Variants in PRKG1 observed in about 807,000 individuals in gnomAD.
PRKG1 encodes the protein cGMP-dependent protein kinase 1.
PRKG1 carries 35 observed loss-of-function variants against 88.1 expected under a neutral mutation model. The ratio of observed to expected loss-of-function variants is 0.40; its 90% CI spans 0.30 to 0.53. The LOEUF is 0.53. Among genes scored for constraint, PRKG1 ranks in the 20% least tolerant of loss-of-function variants. The probability of loss-of-function intolerance (pLI) is 0.59; values close to 1 mark genes in which losing one functional copy is unlikely to be tolerated. For missense variants in PRKG1, 540 were observed against 839.8 expected (o/e 0.64, Z 4.41); for synonymous variants, 303 against 292.5 (o/e 1.04, Z -0.37).
At chr10:52,142,121 A>G (rs1314237740) in intron 8 of PRKG1, among the ~76,000 whole-genome samples, 2 of 152,130 alleles carry the variant, frequency 1.3e-5, no homozygotes, top group African/African-American at 4.8e-5. Context: ...GAGGGTTTGA[A>G]AAACCTCTTT....
At chr10:51,379,206 C>G (rs1842872853) in intron 2 of PRKG1, among the ~76,000 whole-genome samples, 1 of 152,006 alleles carries the variant, frequency 6.6e-6, no homozygotes, top group African/African-American at 2.4e-5. Flanking sequence ...GTATTGATAC[C>G]ACATACCTTG....
intron 3 of PRKG1, among the ~76,000 whole-genome samples, chr10:51,492,844 A>C (rs922597899): frequency 3.3e-5 from 5 of 152,158 alleles, no homozygotes; most frequent in Non-Finnish European, 7.4e-5. Context: ...AATTTGAATA[A>C]ACGTGCCATG....
intron 2 of PRKG1, among the ~76,000 whole-genome samples, chr10:51,165,271 A>G (rs1846504485): frequency 6.6e-6 from 1 of 152,132 alleles, no homozygotes. Flanking sequence ...AGAATTTTCA[A>G]CCCAGAATTT....
intron 2 of PRKG1, among the ~76,000 whole-genome samples, chr10:51,277,860 T>C (rs1257070778): frequency 3.9e-5 from 6 of 152,148 alleles, no homozygotes; most frequent in Non-Finnish European, 8.8e-5. Context: ...TGGGCTGAGA[T>C]GATGGGGTTT....
chr10:51,811,640 C>G (rs568801863), intron 4 of PRKG1, among the ~76,000 whole-genome samples: 2 of 152,232 alleles, frequency 1.3e-5, no homozygotes, highest in East Asian at 1.9e-4. Context: ...TGAAATTTTA[C>G]TATCCCAGAA....
intron 1 of PRKG1, among the ~76,000 whole-genome samples, chr10:51,007,299 T>C (rs1056753158): frequency 1.3e-5 from 2 of 152,202 alleles, no homozygotes; most frequent in Admixed American, 6.5e-5. Context: ...ATGCTGCTGG[T>C]CTCCTGAAGA....
At chr10:51,774,207 T>C (rs1838378255) in intron 3 of PRKG1, among the ~76,000 whole-genome samples, 1 of 152,086 alleles carries the variant, frequency 6.6e-6, no homozygotes, top group African/African-American at 2.4e-5. Context: ...AGTAGCCAAT[T>C]TGTGATTTAA....
chr10:51,153,064 C>A, intron 1 of PRKG1, 100 bp from the exon 2 acceptor site: 63 of 706,262 alleles, frequency 8.9e-5, no homozygotes, highest in East Asian at 1.9e-4. Context: ...CAAGAAAATA[C>A]ATTTGTGGTG....
At chr10:51,409,137 C>T (rs781401112) in intron 2 of PRKG1, among the ~76,000 whole-genome samples, 2 of 152,206 alleles carry the variant, frequency 1.3e-5, no homozygotes, top group Non-Finnish European at 2.9e-5. Context: ...CCGCTTTCCT[C>T]AGGGATGTCC....
intron 2 of PRKG1, among the ~76,000 whole-genome samples, chr10:51,399,351 T>C (rs1361247686): frequency 6.6e-6 from 1 of 152,152 alleles, no homozygotes; most frequent in Non-Finnish European, 1.5e-5. Context: ...AACTCATGAA[T>C]ACAGCATGCT....
intron 4 of PRKG1, among the ~76,000 whole-genome samples, chr10:51,867,649 G>C (rs1040702849): frequency 1.3e-5 from 2 of 152,174 alleles, no homozygotes; most frequent in African/African-American, 4.8e-5. Context: ...AGGTGATATA[G>C]ACTGTGAATT....
At chr10:51,907,355 T>C in intron 4 of PRKG1, 152 bp from the exon 5 acceptor site, 1 of 609,716 alleles carries the variant, frequency 1.6e-6, no homozygotes, top group Admixed American at 3.5e-5. Context: ...GTTCTTTTTT[T>C]TCAGGTTGTG....
chr10:51,117,966 T>A (rs1201674433), intron 1 of PRKG1, among the ~76,000 whole-genome samples: 2 of 152,224 alleles, frequency 1.3e-5, no homozygotes, highest in Non-Finnish European at 2.9e-5. Flanking sequence ...GAAAGTTAGC[T>A]GTCTCTTGAG....
At chr10:51,819,541 G>C (rs1242732099) in intron 4 of PRKG1, among the ~76,000 whole-genome samples, 3 of 152,106 alleles carry the variant, frequency 2.0e-5, no homozygotes, top group Non-Finnish European at 4.4e-5. Context: ...GATCTCACCT[G>C]GCTCATCGTG....
chr10:52,245,429 C>T (rs549452709), intron 9 of PRKG1, among the ~76,000 whole-genome samples: 2 of 152,198 alleles, frequency 1.3e-5, no homozygotes, highest in East Asian at 3.9e-4. Flanking sequence ...GTTGGAAGGA[C>T]AAAGTCACTA....
intron 9 of PRKG1, among the ~76,000 whole-genome samples, chr10:52,246,295 C>A (rs1462762776): frequency 1.3e-5 from 2 of 152,066 alleles, no homozygotes; most frequent in Non-Finnish European, 2.9e-5. Context: ...AATATAATAA[C>A]TAATGACTAT....
intron 7 of PRKG1, among the ~76,000 whole-genome samples, chr10:52,085,909 C>T (rs1846900893): frequency 6.6e-6 from 1 of 152,006 alleles, no homozygotes; most frequent in Admixed American, 6.6e-5. Flanking sequence ...TGCATAGCAG[C>T]CCAAAAATCT....
chr10:51,653,110 C>A (rs2132317063), intron 3 of PRKG1, among the ~76,000 whole-genome samples: 1 of 152,196 alleles, frequency 6.6e-6, no homozygotes, highest in African/African-American at 2.4e-5. Context: ...TTCATTCATC[C>A]CTTTGCAGAC....
At chr10:52,272,762 A>G (rs1841765877) in intron 12 of PRKG1, among the ~76,000 whole-genome samples, 1 of 150,958 alleles carries the variant, frequency 6.6e-6, no homozygotes, top group Non-Finnish European at 1.5e-5. Context: ...GAATGTTAGA[A>G]TTAGCTCTGT....
Sources: gnomAD v4.1 joint callset for allele counts (sites outside exome capture counted in the v4.1 genomes callset) on GRCh38, gnomAD v4.1.1 for gene constraint, MANE v1.5 for transcripts, NCBI Gene and HGNC (gene_info 2026-07-23, HGNC 2026-07-21) for gene names.